The following FARP2 variants were observed in gnomAD, a reference collection of about 807,000 sequenced individuals.
The protein encoded by FARP2 is FERM, ARHGEF and pleckstrin domain-containing protein 2.
Under a neutral mutation model 130.5 loss-of-function variants are expected in FARP2, and 111 were observed. The ratio of observed to expected loss-of-function variants is 0.85; its 90% CI spans 0.73 to 1.00. FARP2 has a LOEUF of 1.00. FARP2 is among the 50% of genes least tolerant of loss of function. FARP2 has a pLI of 0.00. For missense variants in FARP2, 1,385 were observed against 1,346.3 expected (o/e 1.03, Z -0.45); for synonymous variants, 504 against 516.9 (o/e 0.98, Z 0.34).
chr2:241,367,493 G>A (rs181071514), intron 1 of FARP2, among the ~76,000 whole-genome samples: 43 of 152,238 alleles, frequency 2.8e-4, no homozygotes, highest in African/African-American at 9.6e-4. Context: ...GAGGTAATGC[G>A]CCCCAGGGCC....
intron 13 of FARP2, chr2:241,443,194 G>C: frequency 5.3e-6 from 1 of 187,274 alleles, no homozygotes; most frequent in Non-Finnish European, 1.1e-5. Flanking sequence ...GTCATCCATT[G>C]CACTGGGGTT....
chr2:241,392,840 G>A (rs1317178906), intron 2 of FARP2, among the ~76,000 whole-genome samples: 1 of 151,682 alleles, frequency 6.6e-6, no homozygotes, highest in Non-Finnish European at 1.5e-5. Context: ...CTACTTAGGA[G>A]GCTGAGGCAG....
intron 12 of FARP2, among the ~76,000 whole-genome samples, chr2:241,439,189 AT>A (rs951874421): frequency 1.4e-5 from 2 of 147,920 alleles, no homozygotes; most frequent in East Asian, 2.1e-4. Context: ...CTAATTTTGT[AT>A]TTTTTTTTGT....
intron 2 of FARP2, among the ~76,000 whole-genome samples, chr2:241,389,661 T>C (rs2061863460): frequency 6.6e-6 from 1 of 152,210 alleles, no homozygotes; most frequent in African/African-American, 2.4e-5. Context: ...TGAATAACAG[T>C]TGTCTTTCCT....
chr2:241,372,731 G>A (rs57318138), intron 1 of FARP2: 2 of 155,730 alleles, frequency 1.3e-5, no homozygotes, highest in African/African-American at 4.8e-5. Flanking sequence ...GGGCAGCCTA[G>A]GGTTGGTGTG....
At chr2:241,401,917 G>A (rs1371705828) in intron 2 of FARP2, among the ~76,000 whole-genome samples, 1 of 152,004 alleles carries the variant, frequency 6.6e-6, no homozygotes, top group East Asian at 1.9e-4. Flanking sequence ...AGCCTCCTGA[G>A]TATCTGGGAT....
Position 241,462,465 on chromosome 2 carries a change from A to G in FARP2, c.1588-58A>G, listed in dbSNP as rs1008972629. 6.7e-5 allele frequency: 82 copies of G among 1,231,948 alleles called. No homozygotes were observed. The Middle Eastern group carries it at 1.7e-3, about 25-fold the overall frequency. 76.3% of individuals were successfully genotyped at this position (1,231,948 alleles called of 1,614,324 possible). ...AACATTACCAACTTCAGGCTCCCTG[A>G]GCGTGGGAGGGTCCCATGTCCCAGG... On this transcript the variant is annotated intron_variant, in intron 14 of 26. Coordinates refer to ENST00000264042, the MANE Select transcript of FARP2 (RefSeq NM_014808.4).
intron 21 of FARP2, among the ~76,000 whole-genome samples, chr2:241,487,012 C>T (rs541826806): frequency 7.9e-4 from 121 of 152,292 alleles, no homozygotes; most frequent in Admixed American, 2.7e-3. Flanking sequence ...GCCCCTGTGT[C>T]CTGGCATTCC....
intron 2 of FARP2, among the ~76,000 whole-genome samples, chr2:241,387,805 A>G (rs1037866922): frequency 5.9e-5 from 9 of 151,920 alleles, no homozygotes; most frequent in African/African-American, 1.7e-4. Flanking sequence ...AAAAAAAAAA[A>G]AAAAGAAAAT....
chr2:241,409,038 T>TGATAGATAGATA (rs56030352), intron 5 of FARP2, among the ~76,000 whole-genome samples: 14,566 of 145,942 alleles, frequency 0.1, 785 homozygotes, highest in Non-Finnish European at 0.11. Context: ...GATAGATAGA[T>TGATAGATAGATA]GATAGATAGA....
intron 18 of FARP2, among the ~76,000 whole-genome samples, chr2:241,469,877 G>A (rs2124824386): frequency 6.6e-6 from 1 of 152,338 alleles, no homozygotes; most frequent in South Asian, 2.1e-4. Flanking sequence ...TGTATAGACT[G>A]GTGCAAAACC....
At chr2:241,370,928 A>G (rs2061410241) in intron 1 of FARP2, among the ~76,000 whole-genome samples, 1 of 152,202 alleles carries the variant, frequency 6.6e-6, no homozygotes, top group Admixed American at 6.5e-5. Context: ...ACCTGTGCCA[A>G]ACGTGCAGCT....
chr2:241,375,680 A>C (rs1325709859), intron 2 of FARP2, among the ~76,000 whole-genome samples: 1 of 152,222 alleles, frequency 6.6e-6, no homozygotes, highest in Non-Finnish European at 1.5e-5. Context: ...TATCTGGCAG[A>C]GTTACCAGAA....
chr2:241,426,701 G>A (rs1029130333), intron 8 of FARP2, among the ~76,000 whole-genome samples: 9 of 152,134 alleles, frequency 5.9e-5, no homozygotes, highest in African/African-American at 2.2e-4. Context: ...TAGTCTATAT[G>A]GCATTTTCAG....
intron 2 of FARP2, among the ~76,000 whole-genome samples, chr2:241,377,374 G>A (rs1221253958): frequency 2.8e-5 from 4 of 144,032 alleles, no homozygotes; most frequent in African/African-American, 5.2e-5. Context: ...TCGCTCTGTC[G>A]CCCAGGCCGG....
chr2:241,465,825 C>T (rs2064155149), intron 17 of FARP2: 2 of 1,542,890 alleles, frequency 1.3e-6, no homozygotes, highest in Middle Eastern at 1.7e-4. Context: ...ACTCTGGCCA[C>T]TCCTCACACC....
chr2:241,437,248 A>G (rs1015780825), intron 12 of FARP2, among the ~76,000 whole-genome samples: 1 of 152,222 alleles, frequency 6.6e-6, no homozygotes, highest in South Asian at 2.1e-4. Context: ...CATGATTGCA[A>G]CTATATCAAA....
At chr2:241,489,814 G>T in intron 21 of FARP2, 148 bp from the exon 22 acceptor site, 1 of 593,878 alleles carries the variant, frequency 1.7e-6, no homozygotes. Context: ...TGTCCTCCTT[G>T]GCCTCTTGTA....
chr2:241,483,698 G>A, intron 20 of FARP2, 165 bp downstream of exon 20: 8 of 772,772 alleles, frequency 1.0e-5, no homozygotes, highest in Non-Finnish European at 1.3e-5. Flanking sequence ...GCCAGGGGAG[G>A]GTCACAGAGT....
Sources: gnomAD v4.1 joint callset for allele counts (sites outside exome capture counted in the v4.1 genomes callset) on GRCh38, gnomAD v4.1.1 for gene constraint, MANE v1.5 for transcripts, NCBI Gene and HGNC (gene_info 2026-07-23, HGNC 2026-07-21) for gene names.